CEP72: variants seen among roughly 807,000 people sequenced by gnomAD.
CEP72 encodes the protein centrosomal protein of 72 kDa.
A neutral mutation model predicts 65.7 loss-of-function variants in CEP72; 78 were observed. The ratio of observed to expected loss-of-function variants is 1.19; its 90% CI spans 0.99 to 1.43. The LOEUF (loss-of-function observed/expected upper bound fraction) is 1.43. Ranked by LOEUF, CEP72 falls within the 40% of genes most tolerant of loss-of-function variation. CEP72 has a pLI of 0.00. For missense variants in CEP72, 914 were observed against 832.9 expected (o/e 1.10, Z -1.20); for synonymous variants, 358 against 351.7 (o/e 1.02, Z -0.20).
At chr5:641,556 C>CTA in intron 9 of CEP72, 5 of 985,460 alleles carry the variant, frequency 5.1e-6, no homozygotes, top group Non-Finnish European at 6.0e-6. Flanking sequence ...CAGGCAGCCT[C>CTA]TGTTTAAACG....
downstream of CEP72, among the ~76,000 whole-genome samples, chr5:667,798 G>A (rs949128951): frequency 6.6e-6 from 1 of 152,010 alleles, no homozygotes; most frequent in African/African-American, 2.4e-5. Flanking sequence ...AGAGGGGTCC[G>A]CGTGGGCCCC....
At chr5:648,661 CTG>C (rs368289102) in intron 11 of CEP72, among the ~76,000 whole-genome samples, 107 of 112,456 alleles carry the variant, frequency 9.5e-4, no homozygotes, top group Admixed American at 2.6e-3. Context: ...TGAGGTGTGA[CTG>C]TGAGGTGTGG....
chr5:615,199 G>A (rs539492804), intron 1 of CEP72, among the ~76,000 whole-genome samples: 59 of 145,274 alleles, frequency 4.1e-4, no homozygotes, highest in Non-Finnish European at 6.4e-4. Flanking sequence ...GCAGTGGCAC[G>A]ATCTTGGGTC....
intron 11 of CEP72, among the ~76,000 whole-genome samples, chr5:649,331 A>C (rs1738742200): frequency 1.0e-5 from 1 of 100,406 alleles, no homozygotes; most frequent in Non-Finnish European, 1.9e-5. Flanking sequence ...GTGAGGCGTG[A>C]CTGTGAGGCG....
chr5:640,144 G>A (rs902737372), intron 8 of CEP72, among the ~76,000 whole-genome samples: 1 of 152,266 alleles, frequency 6.6e-6, no homozygotes, highest in East Asian at 1.9e-4. Context: ...TTGTGGCGGC[G>A]CCACTGAAAC....
chr5:641,586 G>A lies in CEP72; in HGVS notation c.1539+982G>A, dbSNP rs552988535. 13 of 923,384 alleles carry A rather than the reference G, an allele frequency of 1.4e-5. No homozygotes were observed. The African/African-American group carries it at 1.8e-4, about 12-fold the overall frequency. The allele number at this position is 923,384 out of a possible 1,614,324, so 57.2% of individuals were successfully genotyped here. On this transcript the variant is annotated intron_variant, in intron 9 of 11. Coordinates refer to ENST00000264935, the MANE Select transcript of CEP72 (RefSeq NM_018140.4). Reference sequence around the variant, plus strand: ...TAAACGCACGTGGCCCCCCCACCCCGCCTGGAAGCCTCTGCACGTGGCCTT... The same window carrying A: ...TAAACGCACGTGGCCCCCCCACCCCACCTGGAAGCCTCTGCACGTGGCCTT...
downstream of CEP72, among the ~76,000 whole-genome samples, chr5:668,641 G>A (rs1312763513): frequency 6.6e-6 from 1 of 152,266 alleles, no homozygotes; most frequent in Non-Finnish European, 1.5e-5. Context: ...ACTGTGGACA[G>A]CTTCTCATCA....
rs766179054 is a variant in CEP72 at position 637,673 on chromosome 5, C to T, written c.1061C>T (p.Pro354Leu). 8.7e-6 allele frequency: 14 copies of T among 1,613,776 alleles called. No individual in the cohort carries two copies. Among genetic ancestry groups the T allele is most frequent in the Admixed American group, 3.3e-5 (2 of 59,992 alleles). The change falls in exon 7 of 12, where the codon CCG becomes CTG. Residue 354 changes from proline to leucine, a missense_variant. Transcript: ENST00000264935. ...TFSDQEGLGCPERTHGSSVPK... is the reference protein window; with the variant it reads ...TFSDQEGLGCLERTHGSSVPK... ...TCGGACCAGGAGGGTTTGGGCTGCC[C>T]GGAGAGAACTCATGGGTCCTCCGTG...
intron 11 of CEP72, among the ~76,000 whole-genome samples, chr5:649,860 CGTGACTGAGGT>C (rs1738833175): frequency 1.7e-5 from 1 of 59,454 alleles, no homozygotes; most frequent in African/African-American, 4.9e-5. Flanking sequence ...GACTGTGAGG[CGTGACTGAGGT>C]GTGGACTGTG....
chr5:675,546 G>GA, the CEP72 span, among the ~76,000 whole-genome samples: 1 of 127,962 alleles, frequency 7.8e-6, no homozygotes, highest in Non-Finnish European at 1.8e-5. Flanking sequence ...GATGCCGTGT[G>GA]GCCGGGGGTG....
intron 11 of CEP72, among the ~76,000 whole-genome samples, chr5:650,393 CTGTGAGGTGTGACTGTGGGTG>C (rs1738929290): frequency 5.7e-5 from 1 of 17,468 alleles, no homozygotes; most frequent in Non-Finnish European, 9.4e-5. Context: ...TGAGGTGTGA[CTGTGAGGTGTGACTGTGGGTG>C]TGAGGTGTGA....
At chr5:660,574 G>A (rs1466071402), downstream of CEP72, 1 of 152,446 alleles carries the variant, frequency 6.6e-6, no homozygotes, top group Non-Finnish European at 1.5e-5. Context: ...GCTGTGGGGT[G>A]GGAGGGTGGC....
In CEP72 at chr5:616,088, T is replaced by C. The variant is rs59430766; in HGVS notation, c.83-2902T>C. 3.7e-3 allele frequency among the ~76,000 whole-genome samples: 567 copies of C among 152,320 alleles called. 2 individuals carry two copies. The highest frequency in any genetic ancestry group is 0.013 in the African/African-American group (545 of 41,584). ...TCAGGAGGAAACATATTTATCTGCA[T>C]GTTTATCTGTTCTGTTATTTTTTCT... On this transcript the variant is annotated intron_variant, in intron 1 of 11. Coordinates refer to ENST00000264935, the MANE Select transcript of CEP72 (RefSeq NM_018140.4).
rs147256778 is a variant in CEP72 at position 624,498 on chromosome 5, G to T, written c.431G>T (p.Arg144Leu). 6 of 1,614,020 alleles carry T rather than the reference G, an allele frequency of 3.7e-6. No homozygotes were observed. Among genetic ancestry groups the T allele is most frequent in the Middle Eastern group, 3.3e-4 (2 of 6,084 alleles). Residue 144 changes from arginine to leucine, a missense_variant, in exon 4 of 12, where the codon CGG (arginine) becomes CTG (leucine). Transcript: ENST00000264935. The surrounding 1 kb of genome is among the most constrained non-coding windows in gnomAD (Gnocchi z 4.7). ...GATCGCCCCGTGAGAGCAAGCGAGCGGAAGGCTTCCCGACTGCATTTTGCA... is the reference window on the plus strand; with the variant it reads ...GATCGCCCCGTGAGAGCAAGCGAGCTGAAGGCTTCCCGACTGCATTTTGCA... ...LDDRPVRASE[R>L]KASRLHFASE...
In CEP72 at chr5:665,813, C is replaced by A. The variant is rs148227780; in HGVS notation, n.434-128C>A. The A allele has an allele frequency of 3.2e-4, 280 of 866,954 alleles. 1 individual carries two copies. In the African/African-American group the frequency reaches 4.4e-3, roughly 14 times the overall value. 53.7% of individuals were successfully genotyped at this position (866,954 alleles called of 1,614,324 possible). A position where few individuals can be genotyped will look rare whatever the true frequency, so the allele number is the denominator to read the frequency against. ...TGACCACACCTCCTCAGACCCCACA[C>A]CAGGCCACGCCCTCCTGACCACGCC... On this transcript the variant is annotated intron_variant and non_coding_transcript_variant, in intron 3 of 4. Transcript: ENST00000514507.
intron 4 of CEP72, among the ~76,000 whole-genome samples, chr5:627,346 C>T (rs572961296): frequency 4.6e-5 from 7 of 152,210 alleles, no homozygotes; most frequent in South Asian, 2.1e-4. Flanking sequence ...GTCAGTTATT[C>T]GTGTTTTCTT....
Position 612,388 on chromosome 5 carries a change from G to C in CEP72, c.27G>C (p.Val9=). The change falls in exon 1 of 12, where the codon GTG becomes GTC. Residue 9 remains valine, a synonymous_variant. Transcript: ENST00000264935. Reference sequence around the variant, plus strand: ...TGGCGCGGGCTGGCCCTCGGCTGGTGCTGAGCGAGGAGGCGGTTCGGGCGA... The same window carrying C: ...TGGCGCGGGCTGGCCCTCGGCTGGTCCTGAGCGAGGAGGCGGTTCGGGCGA... MARAGPRL[V]LSEEAVRAKS... is the part of the protein sequence containing the mutation. The C allele has an allele frequency of 6.7e-7, 1 of 1,491,484 alleles. No individual in the cohort carries two copies. Among genetic ancestry groups the C allele is most frequent in the Non-Finnish European group, 8.9e-7 (1 of 1,125,724 alleles). The allele number at this position is 1,491,484 out of a possible 1,614,324, so 92.4% of individuals were successfully genotyped here.
Position 635,421 on chromosome 5 carries a change from C to T in CEP72, c.741C>T (p.Asp247=). Residue 247 remains aspartate, a synonymous_variant, in exon 6 of 12, where the codon GAC becomes GAT. Coordinates refer to ENST00000264935, the MANE Select transcript of CEP72 (RefSeq NM_018140.4). ...SPQLVQYQCG[D]SGKQGRETRR... is the part of the protein sequence containing the mutation. Reference sequence around the variant, plus strand: ...AGTTGGTACAGTACCAGTGTGGGGACTCTGGGAAGCAGGGCCGTGAGACGA... The same window carrying T: ...AGTTGGTACAGTACCAGTGTGGGGATTCTGGGAAGCAGGGCCGTGAGACGA... 3 of 1,614,124 alleles carry T rather than the reference C, an allele frequency of 1.9e-6. No homozygotes were observed. The highest frequency in any genetic ancestry group is 2.5e-6 in the Non-Finnish European group (3 of 1,179,966).
intron 4 of CEP72, among the ~76,000 whole-genome samples, chr5:626,342 A>T (rs1272742158): frequency 3.3e-5 from 5 of 152,272 alleles, no homozygotes; most frequent in Non-Finnish European, 7.4e-5. Flanking sequence ...TTTCCAGCGC[A>T]GCCTTGCGCC....
Sources: gnomAD v4.1 joint callset for allele counts (sites outside exome capture counted in the v4.1 genomes callset) on GRCh38, gnomAD v4.1.1 for gene constraint, Gnocchi (gnomAD v3.1) non-coding constraint, MANE v1.5 for transcripts, NCBI Gene and HGNC (gene_info 2026-07-23, HGNC 2026-07-21) for gene names.